The following INPP5D variants were observed in gnomAD, a reference collection of about 807,000 sequenced individuals.
The protein encoded by INPP5D is inositol polyphosphate-5-phosphatase D, also known as phosphatidylinositol 3,4,5-trisphosphate 5-phosphatase 1.
A neutral mutation model predicts 122.9 loss-of-function variants in INPP5D; 33 were observed. The observed-to-expected ratio is 0.27, with a 90% CI of 0.20 to 0.36. INPP5D has a LOEUF of 0.36. Among genes scored for constraint, INPP5D ranks in the 10% least tolerant of loss-of-function variants. The probability of loss-of-function intolerance (pLI) is 1.00; values close to 1 mark genes in which losing one functional copy is unlikely to be tolerated. For synonymous variants in INPP5D, 584 were observed against 576.2 expected, an observed-to-expected ratio of 1.01 and a Z score of -0.19; for missense variants, 1,053 against 1,412.7, an observed-to-expected ratio of 0.75 and a Z score of 4.08.
At position 233,179,346 on chromosome 2, in the gene INPP5D, C is replaced by T. The variant is rs1019462944; in HGVS notation, c.2071+2000C>T. 3.9e-5 allele frequency among the ~76,000 whole-genome samples: 6 copies of T among 152,256 alleles called. No homozygotes were observed. The East Asian group carries it at 5.8e-4, about 15-fold the overall frequency. On this transcript the variant is annotated intron_variant, in intron 18 of 26. Transcript: ENST00000445964. ...CTGTCCTTCCCACATCCTGCAGCTC[C>T]GTGCATCCTGCCAATTCTTGTCTCA...
At chr2:233,062,095 C>A (rs755563963) in intron 1 of INPP5D, among the ~76,000 whole-genome samples, 8 of 152,246 alleles carry the variant, frequency 5.3e-5, no homozygotes, top group Non-Finnish European at 1.2e-4. Context: ...TTAGAAGGAG[C>A]AGGAAGATTC....
At chr2:233,187,764 G>T (rs916849533) in intron 21 of INPP5D, among the ~76,000 whole-genome samples, 3 of 152,134 alleles carry the variant, frequency 2.0e-5, no homozygotes, top group Admixed American at 6.5e-5. Flanking sequence ...CCTGAGTCGT[G>T]GGGGCTCTGG....
At chr2:233,159,600 G>A (rs1352740988) in intron 10 of INPP5D, among the ~76,000 whole-genome samples, 4 of 150,186 alleles carry the variant, frequency 2.7e-5, no homozygotes, top group African/African-American at 7.4e-5. Context: ...AGGCTGAAGT[G>A]GGAGGATCGC....
At position 233,142,013 on chromosome 2, in the gene INPP5D, A is replaced by G. The variant is rs1308730055; in HGVS notation, c.753+2084A>G. 2.6e-5 allele frequency among the ~76,000 whole-genome samples: 4 copies of G among 152,390 alleles called. No homozygotes were observed. The South Asian group carries it at 6.2e-4, about 24-fold the overall frequency. ...AAGTAAAAGCAAATCTAGATAAAAC[A>G]GGGGCTCTGCCCGACACTTGAACTT... On this transcript the variant is annotated intron_variant, in intron 6 of 26. Transcript: ENST00000445964.
In INPP5D at chr2:233,098,494, T is replaced by G. The variant is rs536006531; in HGVS notation, c.198+19096T>G. Among the ~76,000 whole-genome samples the G allele has an allele frequency of 3.9e-5, 6 of 152,320 alleles. No homozygotes were observed. In the South Asian group the frequency reaches 1.2e-3, roughly 32 times the overall value. On this transcript the variant is annotated intron_variant, in intron 2 of 26. Transcript: ENST00000445964. ...TGTATATCTCTAGATAGTTCTGGTC[T>G]TCTTTAACGTGTTCCTTGAATAGAG...
intron 9 of INPP5D, among the ~76,000 whole-genome samples, chr2:233,152,401 G>A (rs1362775581): frequency 1.3e-5 from 2 of 152,226 alleles, no homozygotes; most frequent in South Asian, 4.2e-4. Flanking sequence ...TTCATGCTCC[G>A]AGCACCTGCT....
Position 233,183,397 on chromosome 2 carries a change from T to C in INPP5D, c.2161+898T>C, listed in dbSNP as rs1430051906. 6.6e-6 allele frequency among the ~76,000 whole-genome samples: 1 copy of C among 152,168 alleles called. No homozygotes were observed. Among genetic ancestry groups the C allele is most frequent in the Non-Finnish European group, 1.5e-5 (1 of 68,024 alleles). ...GTGCTCTTATCTATCCTATTGTATC[T>C]AACATCCATGGCCCCAGAAATGTGA... On this transcript the variant is annotated intron_variant, in intron 19 of 26. Transcript: ENST00000445964. This position sits in a 1 kb window ranked among gnomAD's most constrained non-coding sequence, Gnocchi z 4.6.
In INPP5D at chr2:233,197,176, T is replaced by C. The variant is rs1201930742; in HGVS notation, c.2694-919T>C. On this transcript the variant is annotated intron_variant, in intron 24 of 26. Coordinates refer to ENST00000445964, the MANE Select transcript of INPP5D (RefSeq NM_001017915.3). The surrounding 1 kb of genome is among the most constrained non-coding windows in gnomAD (Gnocchi z 4.4). ...GCTGTGGAGTGTCCCTGACAGCCTATACGCTCAGAACTCAGTTCTCAGGAG... is the reference window on the plus strand; with the variant it reads ...GCTGTGGAGTGTCCCTGACAGCCTACACGCTCAGAACTCAGTTCTCAGGAG... Among the ~76,000 whole-genome samples the C allele has an allele frequency of 2.0e-5, 3 of 152,188 alleles. No homozygotes were observed. The highest frequency in any genetic ancestry group is 1.5e-5 in the Non-Finnish European group (1 of 68,020).
At chr2:233,075,360 C>G (rs1345995046) in intron 1 of INPP5D, among the ~76,000 whole-genome samples, 1 of 152,220 alleles carries the variant, frequency 6.6e-6, no homozygotes, top group African/African-American at 2.4e-5. Flanking sequence ...TACCAAATCA[C>G]CACAAAGAGC....
In INPP5D at chr2:233,128,487, A is replaced by AT. The variant is rs1281238186; in HGVS notation, c.525-2013dup. Among the ~76,000 whole-genome samples the AT allele has an allele frequency of 1.3e-5, 2 of 151,920 alleles. No individual in the cohort carries two copies. The highest frequency in any genetic ancestry group is 2.4e-5 in the African/African-American group (1 of 41,352). On this transcript the variant is annotated intron_variant, in intron 4 of 26. Coordinates refer to ENST00000445964, the MANE Select transcript of INPP5D (RefSeq NM_001017915.3). The surrounding 1 kb of genome is among the most constrained non-coding windows in gnomAD (Gnocchi z 4.5). ...AATGGGTAAGCCAGTCCTGTTCAGT[A>AT]TTTTTTTTGAGATGGAGTCTCGCTC... is the stretch of plus-strand genomic sequence containing the variant.
chr2:233,120,322 A>G (rs888005988), intron 2 of INPP5D, among the ~76,000 whole-genome samples: 13 of 152,088 alleles, frequency 8.5e-5, no homozygotes, highest in African/African-American at 3.1e-4. Context: ...CGTCTCTACT[A>G]AAATTACAAA....
intron 2 of INPP5D, among the ~76,000 whole-genome samples, chr2:233,096,168 A>C (rs2106227968): frequency 6.6e-6 from 1 of 152,332 alleles, no homozygotes; most frequent in South Asian, 2.1e-4. Context: ...AGGAATGCGT[A>C]TATGATTGTA....
chr2:233,098,230 C>T (rs1274016364), intron 2 of INPP5D, among the ~76,000 whole-genome samples: 1 of 152,150 alleles, frequency 6.6e-6, no homozygotes, highest in Non-Finnish European at 1.5e-5. Context: ...GATGTTTCTG[C>T]TCCAGGAGGA....
At position 233,082,915 on chromosome 2, in the gene INPP5D, TC is replaced by T. The variant is rs1048844129; in HGVS notation, c.198+3521del. ...AAGGTGTTTCCAAGCCTGTCTGGAG[TC>T]CCCTGGGGAAGGATGAGCCCAGGAC... is the stretch of plus-strand genomic sequence containing the variant. On this transcript the variant is annotated intron_variant, in intron 2 of 26. Coordinates refer to ENST00000445964, the MANE Select transcript of INPP5D (RefSeq NM_001017915.3). This position sits in a 1 kb window ranked among gnomAD's most constrained non-coding sequence, Gnocchi z 4.7. 3.9e-5 allele frequency among the ~76,000 whole-genome samples: 6 copies of T among 152,074 alleles called. No individual in the cohort carries two copies. The highest frequency in any genetic ancestry group is 7.4e-5 in the Non-Finnish European group (5 of 68,014).
At chr2:233,062,526 T>G (rs1023597923) in intron 1 of INPP5D, among the ~76,000 whole-genome samples, 1 of 152,196 alleles carries the variant, frequency 6.6e-6, no homozygotes, top group African/African-American at 2.4e-5. Context: ...CTCTACCTCT[T>G]CTCTCTGAAC....
At chr2:233,130,166 A>C (rs1200402863) in intron 4 of INPP5D, among the ~76,000 whole-genome samples, 1 of 152,094 alleles carries the variant, frequency 6.6e-6, no homozygotes, top group African/African-American at 2.4e-5. Context: ...AAGTGCTGGG[A>C]TTACAGTTGT....
At chr2:233,180,362 T>TA (rs74510971) in intron 18 of INPP5D, among the ~76,000 whole-genome samples, 48 of 144,646 alleles carry the variant, frequency 3.3e-4, no homozygotes, top group South Asian at 6.6e-4. Context: ...TGAGAATGCT[T>TA]AAAAAAAAAA....
At chr2:233,109,371 T>C (rs115936057) in intron 2 of INPP5D, among the ~76,000 whole-genome samples, 2,600 of 152,292 alleles carry the variant, frequency 0.017, 59 homozygotes, top group African/African-American at 0.055. Flanking sequence ...CTCACCCTCG[T>C]CTATGCGCGT....
chr2:233,085,111 T>A (rs1574712483), intron 2 of INPP5D, among the ~76,000 whole-genome samples: 1 of 152,122 alleles, frequency 6.6e-6, no homozygotes, highest in African/African-American at 2.4e-5. Flanking sequence ...ACAGGCTGGG[T>A]GCAGTGGCTC....
Sources: allele counts gnomAD v4.1 joint callset (sites outside exome capture counted in the v4.1 genomes callset), GRCh38; gene constraint gnomAD v4.1.1; non-coding constraint Gnocchi (gnomAD v3.1); transcripts MANE v1.5; gene names NCBI Gene and HGNC (gene_info 2026-07-23, HGNC 2026-07-21).